Variants in FBXL14 observed in about 807,000 individuals in gnomAD.
The protein encoded by FBXL14 is F-box/LRR-repeat protein 14.
FBXL14 carries 11 observed loss-of-function variants against 24.5 expected under a neutral mutation model. The observed-to-expected ratio is 0.45, with a 90% CI of 0.28 to 0.74. FBXL14 has a LOEUF of 0.74. Among genes scored for constraint, FBXL14 ranks in the 30% least tolerant of loss-of-function variants. The probability of loss-of-function intolerance (pLI) is 0.12; values close to 1 mark genes in which losing one functional copy is unlikely to be tolerated. For missense variants in FBXL14, 384 were observed against 545.6 expected (o/e 0.70, Z 2.95); for synonymous variants, 294 against 240.4 (o/e 1.22, Z -2.06).
intron 1 of FBXL14, chr12:1,574,723 G>C (rs2094452558): frequency 6.1e-6 from 1 of 164,426 alleles, no homozygotes; most frequent in African/African-American, 2.4e-5. Flanking sequence ...GTGCCTGCTT[G>C]AACAGCTGGA....
intron 1 of FBXL14, among the ~76,000 whole-genome samples, chr12:1,580,818 T>C (rs2094464783): frequency 6.6e-6 from 1 of 152,200 alleles, no homozygotes; most frequent in Non-Finnish European, 1.5e-5. Context: ...GGCTTGCTTC[T>C]GGCCCCAGTG....
chr12:1,579,334 G>A lies in FBXL14; in HGVS notation c.1195-12524C>T, dbSNP rs1477652700. ...ACCAGAGGTTTTAAAAAATAATCTG[G>A]GCCGGGCACGGTGGCTCACGCCTGT... On this transcript the variant is annotated intron_variant, in intron 1 of 1. Coordinates refer to ENST00000339235, the MANE Select transcript of FBXL14 (RefSeq NM_152441.3). This position sits in a 1 kb window ranked among gnomAD's most constrained non-coding sequence, Gnocchi z 4.3. 6.6e-6 allele frequency among the ~76,000 whole-genome samples: 1 copy of A among 151,972 alleles called. No homozygotes were observed. The highest frequency in any genetic ancestry group is 1.5e-5 in the Non-Finnish European group (1 of 68,006).
At chr12:1,574,013 A>AG (rs1565582875) in intron 1 of FBXL14, among the ~76,000 whole-genome samples, 1 of 150,860 alleles carries the variant, frequency 6.6e-6, no homozygotes, top group Non-Finnish European at 1.5e-5. Context: ...CTCAAAAAAA[A>AG]GAAAAAAAAA....
chr12:1,589,343 G>T (rs953435567), intron 1 of FBXL14, among the ~76,000 whole-genome samples: 4 of 148,796 alleles, frequency 2.7e-5, no homozygotes, highest in African/African-American at 1.0e-4. Context: ...GGCTGCAGTG[G>T]GTTGTGATTG....
At chr12:1,584,858 G>A (rs1285085604) in intron 1 of FBXL14, among the ~76,000 whole-genome samples, 2 of 152,164 alleles carry the variant, frequency 1.3e-5, no homozygotes, top group Non-Finnish European at 2.9e-5. Flanking sequence ...GGAGTTTTGG[G>A]CAATGAAGTT....
Position 1,582,836 on chromosome 12 carries a change from G to A in FBXL14, c.1194+10037C>T, listed in dbSNP as rs562435692. On this transcript the variant is annotated intron_variant, in intron 1 of 1. Transcript: ENST00000339235. Reference sequence around the variant, plus strand: ...CTTCCCACTCACAGTTTGATTCCCCGAGGCCAGGCTGTTGAGTACCAGGAG... The same window carrying A: ...CTTCCCACTCACAGTTTGATTCCCCAAGGCCAGGCTGTTGAGTACCAGGAG... 1.6e-3 allele frequency among the ~76,000 whole-genome samples: 242 copies of A among 152,152 alleles called. 2 individuals carry two copies. Among genetic ancestry groups the A allele is most frequent in the African/African-American group, 5.8e-3 (239 of 41,530 alleles).
At position 1,593,542 on chromosome 12, in the gene FBXL14, G is replaced by A. The variant is rs759219544; in HGVS notation, c.525C>T (p.Asn175=). ...CCGAAAGGTGGCGGCAGCTGCGGAG[G>A]TTAAGGCTCTTGAGGCGCTGCAGAC... ...AWGLQRLKSL[N]LRSCRHLSDV... Residue 175 remains asparagine (N), a synonymous_variant, in exon 1 of 2, where the codon AAC becomes AAT. Transcript: ENST00000339235. The surrounding 1 kb of genome is among the most constrained non-coding windows in gnomAD (Gnocchi z 7.4). The A allele has an allele frequency of 3.1e-6, 5 of 1,614,040 alleles. No homozygotes were observed. Among genetic ancestry groups the A allele is most frequent in the East Asian group, 2.2e-5 (1 of 44,886 alleles).
Position 1,579,332 on chromosome 12 carries a change from T to G in FBXL14, c.1195-12522A>C, listed in dbSNP as rs2154437969. Among the ~76,000 whole-genome samples the G allele has an allele frequency of 6.6e-6, 1 of 152,116 alleles. No homozygotes were observed. The highest frequency in any genetic ancestry group is 6.6e-5 in the Admixed American group (1 of 15,252). On this transcript the variant is annotated intron_variant, in intron 1 of 1. Transcript: ENST00000339235. The surrounding 1 kb of genome is among the most constrained non-coding windows in gnomAD (Gnocchi z 4.3). The stretch of plus-strand genomic sequence containing the variant: ...AAACCAGAGGTTTTAAAAAATAATC[T>G]GGGCCGGGCACGGTGGCTCACGCCT...
chr12:1,582,066 C>T (rs1324987844), intron 1 of FBXL14, among the ~76,000 whole-genome samples: 2 of 151,568 alleles, frequency 1.3e-5, no homozygotes, highest in Non-Finnish European at 2.9e-5. Context: ...GCAGAAGTTG[C>T]AGTGAGCTGA....
At chr12:1,571,245 G>T (rs1292563634) in intron 1 of FBXL14, among the ~76,000 whole-genome samples, 1 of 151,826 alleles carries the variant, frequency 6.6e-6, no homozygotes, top group Non-Finnish European at 1.5e-5. Flanking sequence ...TTTTGCTCTT[G>T]TTGGCCAGGC....
Position 1,579,472 on chromosome 12 carries a change from C to T in FBXL14, c.1195-12662G>A, listed in dbSNP as rs541233258. Among the ~76,000 whole-genome samples the T allele has an allele frequency of 1.7e-4, 26 of 151,980 alleles. No individual in the cohort carries two copies. The highest frequency in any genetic ancestry group is 2.5e-4 in the Non-Finnish European group (17 of 67,990). On this transcript the variant is annotated intron_variant, in intron 1 of 1. Coordinates refer to ENST00000339235, the MANE Select transcript of FBXL14 (RefSeq NM_152441.3). The surrounding 1 kb of genome is among the most constrained non-coding windows in gnomAD (Gnocchi z 4.3). The stretch of plus-strand genomic sequence containing the variant: ...TCTCTACTAAAACACAAAAATTAGC[C>T]GGGCATGATGGCGCACACCTGTAAT...
chr12:1,584,223 T>C lies in FBXL14; in HGVS notation c.1194+8650A>G, dbSNP rs192537809. Among the ~76,000 whole-genome samples, 3 of 152,190 alleles carry C rather than the reference T, an allele frequency of 2.0e-5. No individual in the cohort carries two copies. In the East Asian group the frequency reaches 5.8e-4, roughly 29 times the overall value. ...TAGTAATAATGGGCATGGTGGCACA[T>C]GCCTGTGGTCCCAGCTACTCGGGAG... On this transcript the variant is annotated intron_variant, in intron 1 of 1. Coordinates refer to ENST00000339235, the MANE Select transcript of FBXL14 (RefSeq NM_152441.3).
Position 1,592,912 on chromosome 12 carries a change from T to C in FBXL14, c.1155A>G (p.Val385=). 1 of 1,602,324 alleles carries C rather than the reference T, an allele frequency of 6.2e-7. No homozygotes were observed. Among genetic ancestry groups the C allele is most frequent in the South Asian group, 1.1e-5 (1 of 89,576 alleles). Residue 385 remains valine, a synonymous_variant, in exon 1 of 2, where the codon GTA becomes GTG. Coordinates refer to ENST00000339235, the MANE Select transcript of FBXL14 (RefSeq NM_152441.3). ...ERITQLPCLK[V]LNLGLWQMTD... ...TCATCTGCCAGAGTCCCAGGTTGAG[T>C]ACCTTGAGGCACGGCAGCTGCGTGA... is the stretch of plus-strand genomic sequence containing the variant.
chr12:1,585,396 T>TG (rs2094474600), intron 1 of FBXL14, among the ~76,000 whole-genome samples: 1 of 134,218 alleles, frequency 7.5e-6, no homozygotes, highest in African/African-American at 3.2e-5. Flanking sequence ...AGACTCCGTC[T>TG]CAAAAAAAAA....
intron 1 of FBXL14, among the ~76,000 whole-genome samples, chr12:1,588,833 C>CAA (rs1347136525): frequency 6.6e-6 from 1 of 152,020 alleles, no homozygotes; most frequent in East Asian, 1.9e-4. Flanking sequence ...TACCACCACG[C>CAA]AAAGTGTACT....
intron 1 of FBXL14, among the ~76,000 whole-genome samples, chr12:1,571,005 A>G (rs185072329): frequency 1.3e-5 from 2 of 152,318 alleles, no homozygotes; most frequent in East Asian, 3.9e-4. Flanking sequence ...ATTATTGTCC[A>G]TAGTCCTTTC....
At chr12:1,581,079 G>A (rs1268976001) in intron 1 of FBXL14, among the ~76,000 whole-genome samples, 3 of 152,188 alleles carry the variant, frequency 2.0e-5, no homozygotes, top group Admixed American at 6.5e-5. Flanking sequence ...GTTATGTGTG[G>A]CCACGTCGCC....
At chr12:1,590,008 T>C (rs991824373) in intron 1 of FBXL14, among the ~76,000 whole-genome samples, 1 of 152,240 alleles carries the variant, frequency 6.6e-6, no homozygotes, top group African/African-American at 2.4e-5. Context: ...CAATTGAATC[T>C]GTACAGCCAT....
At position 1,586,228 on chromosome 12, in the gene FBXL14, T is replaced by C. The variant is rs567798933; in HGVS notation, c.1194+6645A>G. On this transcript the variant is annotated intron_variant, in intron 1 of 1. Coordinates refer to ENST00000339235, the MANE Select transcript of FBXL14 (RefSeq NM_152441.3). ...CTAATGAAAATAATATGCTTTGGTG[T>C]GGCACCTTTTAAGAAACTTTTTTTT... 1.8e-3 allele frequency among the ~76,000 whole-genome samples: 274 copies of C among 151,590 alleles called. 1 individual carries two copies. Among genetic ancestry groups the C allele is most frequent in the African/African-American group, 6.5e-3 (268 of 41,268 alleles).
Sources: allele counts gnomAD v4.1 joint callset (sites outside exome capture counted in the v4.1 genomes callset), GRCh38; gene constraint gnomAD v4.1.1; non-coding constraint Gnocchi (gnomAD v3.1); transcripts MANE v1.5; gene names NCBI Gene and HGNC (gene_info 2026-07-23, HGNC 2026-07-21).